Variants in MIR2052HG observed in about 807,000 individuals in gnomAD.
MIR2052HG encodes MIR2052 host gene.
At chr8:74,615,769 A>C (rs1379532761) in intron 2 of MIR2052HG, among the ~76,000 whole-genome samples, 3 of 149,876 alleles carry the variant, frequency 2.0e-5, no homozygotes, top group African/African-American at 4.9e-5. Context: ...CACTCCCCCC[A>C]CCCCACAACA....
At chr8:74,645,286 T>C (rs888982839) in intron 2 of MIR2052HG, among the ~76,000 whole-genome samples, 2 of 152,034 alleles carry the variant, frequency 1.3e-5, no homozygotes, top group Non-Finnish European at 2.9e-5. Flanking sequence ...AATCTTTTCT[T>C]TCTTTTTTTT....
intron 2 of MIR2052HG, among the ~76,000 whole-genome samples, chr8:74,692,215 C>T (rs1471871718): frequency 6.6e-6 from 1 of 152,154 alleles, no homozygotes; most frequent in Admixed American, 6.5e-5. Flanking sequence ...CTCAGCTCCC[C>T]AAGTAGCTGG....
intron 4 of MIR2052HG, among the ~76,000 whole-genome samples, chr8:74,722,327 C>A (rs1404610985): frequency 6.6e-6 from 1 of 152,152 alleles, no homozygotes; most frequent in African/African-American, 2.4e-5. Flanking sequence ...TTTCAGAAAT[C>A]ACATATTATA....
chr8:74,738,792 A>G (rs994191805), intron 4 of MIR2052HG, among the ~76,000 whole-genome samples: 2 of 152,222 alleles, frequency 1.3e-5, no homozygotes, highest in Non-Finnish European at 2.9e-5. Flanking sequence ...AGCTTCCTAC[A>G]GTGGGCATAT....
chr8:74,672,490 G>A (rs1482022064), intron 2 of MIR2052HG, among the ~76,000 whole-genome samples: 3 of 152,086 alleles, frequency 2.0e-5, no homozygotes, highest in Non-Finnish European at 4.4e-5. Flanking sequence ...AGTCATGATA[G>A]TTAAATTTGT....
intron 2 of MIR2052HG, among the ~76,000 whole-genome samples, chr8:74,626,940 C>T (rs1260952635): frequency 6.6e-6 from 1 of 152,202 alleles, no homozygotes; most frequent in African/African-American, 2.4e-5. Flanking sequence ...CTTAATATGG[C>T]TTTAAAGTTT....
chr8:74,728,897 C>T (rs1809662087), intron 4 of MIR2052HG, among the ~76,000 whole-genome samples: 1 of 152,042 alleles, frequency 6.6e-6, no homozygotes, highest in Non-Finnish European at 1.5e-5. Context: ...ACTCTTATTT[C>T]ATACTCATTC....
intron 1 of MIR2052HG, among the ~76,000 whole-genome samples, chr8:74,602,512 C>CT (rs1360254832): frequency 1.0e-4 from 15 of 150,488 alleles, no homozygotes; most frequent in African/African-American, 3.4e-4. Context: ...TGTTTCTTTT[C>CT]TTTCTTTCTT....
intron 2 of MIR2052HG, among the ~76,000 whole-genome samples, chr8:74,679,306 C>T (rs944103222): frequency 6.6e-6 from 1 of 152,036 alleles, no homozygotes; most frequent in African/African-American, 2.4e-5. Flanking sequence ...TTTGAGTCCT[C>T]ATAGCTTAGC....
At chr8:74,609,935 A>G (rs1326776390) in intron 1 of MIR2052HG, 1 of 151,530 alleles carries the variant, frequency 6.6e-6, no homozygotes, top group Non-Finnish European at 1.5e-5. Flanking sequence ...ATTTAACATT[A>G]TATCGAAACT....
Position 74,606,232 on chromosome 8 carries a change from G to A in MIR2052HG, n.128+6324G>A, listed in dbSNP as rs183048693. Among the ~76,000 whole-genome samples, 240 of 152,224 alleles carry A rather than the reference G, an allele frequency of 1.6e-3. 1 individual carries two copies. Among genetic ancestry groups the A allele is most frequent in the African/African-American group, 5.2e-3 (216 of 41,526 alleles). On this transcript the variant is annotated intron_variant and non_coding_transcript_variant, in intron 1 of 6. Transcript: ENST00000523442. ...ATATAGCTTGCCACAGTATCTTATC[G>A]GTTAATTGCATTCTTGGATGTGCTG...
chr8:74,602,865 C>CTTTCTTTCT (rs1554570065), intron 1 of MIR2052HG, among the ~76,000 whole-genome samples: 3 of 142,660 alleles, frequency 2.1e-5, no homozygotes, highest in African/African-American at 7.9e-5. Flanking sequence ...TTCTTTCTTT[C>CTTTCTTTCT]TTTCTTTCTT....
chr8:74,623,077 C>A (rs187082357), intron 2 of MIR2052HG, among the ~76,000 whole-genome samples: 5 of 152,190 alleles, frequency 3.3e-5, no homozygotes, highest in Admixed American at 1.3e-4. Flanking sequence ...CTGTTGTTCA[C>A]CATGGTAAGT....
At chr8:74,721,690 G>A (rs770115605) in intron 4 of MIR2052HG, among the ~76,000 whole-genome samples, 2 of 152,230 alleles carry the variant, frequency 1.3e-5, no homozygotes, top group Non-Finnish European at 2.9e-5. Flanking sequence ...TTTGAAGGGC[G>A]AGGCCTAGAA....
At chr8:74,697,581 A>G (rs1319081016) in intron 2 of MIR2052HG, among the ~76,000 whole-genome samples, 1 of 152,132 alleles carries the variant, frequency 6.6e-6, no homozygotes, top group African/African-American at 2.4e-5. Context: ...AAAACCCTAA[A>G]GACGCATCTA....
At chr8:74,687,487 A>G (rs973353885) in intron 2 of MIR2052HG, among the ~76,000 whole-genome samples, 5 of 152,174 alleles carry the variant, frequency 3.3e-5, no homozygotes, top group African/African-American at 1.2e-4. Flanking sequence ...AATGTGGTAT[A>G]TACATACAAT....
intron 1 of MIR2052HG, chr8:74,609,661 A>C (rs1586887347): frequency 6.6e-6 from 1 of 151,262 alleles, no homozygotes; most frequent in East Asian, 1.9e-4. Flanking sequence ...AATCAATTTA[A>C]TATGCCAGAT....
chr8:74,741,291 C>T (rs1809825552), intron 4 of MIR2052HG, among the ~76,000 whole-genome samples: 1 of 152,198 alleles, frequency 6.6e-6, no homozygotes, highest in Non-Finnish European at 1.5e-5. Flanking sequence ...TCCTGTATAA[C>T]ACTTAGCAGG....
intron 2 of MIR2052HG, among the ~76,000 whole-genome samples, chr8:74,698,265 C>T (rs1191012927): frequency 2.6e-5 from 4 of 152,144 alleles, no homozygotes; most frequent in African/African-American, 2.4e-5. Flanking sequence ...GAAAGGACAG[C>T]TTATTTAACA....
Sources: allele counts gnomAD v4.1 joint callset (sites outside exome capture counted in the v4.1 genomes callset), GRCh38; gene constraint gnomAD v4.1.1; transcripts MANE v1.5; gene names NCBI Gene and HGNC (gene_info 2026-07-23, HGNC 2026-07-21).